Variants in DCT observed in about 807,000 individuals in gnomAD.
DCT encodes L-dopachrome tautomerase.
Under a neutral mutation model 53.0 loss-of-function variants are expected in DCT, and 47 were observed. The ratio of observed to expected loss-of-function variants is 0.89; its 90% confidence interval spans 0.70 to 1.13. The LOEUF (loss-of-function observed/expected upper bound fraction) is 1.13, where lower values mean the gene tolerates loss of function less well. DCT is among the 50% of genes most tolerant of loss of function. The probability of loss-of-function intolerance (pLI) is 0.00; values close to 1 mark genes in which losing one functional copy is unlikely to be tolerated. For synonymous variants in DCT, 244 were observed against 237.0 expected (o/e 1.03, Z -0.27); for missense variants, 669 against 637.4 (o/e 1.05, Z -0.53).
At chr13:94,493,139 A>G in the DCT span, among the ~76,000 whole-genome samples, 31 of 152,106 alleles carry the variant, frequency 2.0e-4, no homozygotes, top group Admixed American at 2.0e-3. Flanking sequence ...TCTGTGGGCT[A>G]TTTTCAGATC....
At chr13:94,446,588 G>C (rs903463378) in intron 6 of DCT, among the ~76,000 whole-genome samples, 1 of 152,224 alleles carries the variant, frequency 6.6e-6, no homozygotes, top group Non-Finnish European at 1.5e-5. Context: ...TCAGGCTGCT[G>C]TAACAAAGTA....
In DCT at chr13:94,443,617, A is replaced by G. The variant is rs1355383294; in HGVS notation, c.1200T>C (p.Asp400=). 2.5e-6 allele frequency: 4 copies of G among 1,613,796 alleles called. No homozygotes were observed. Among genetic ancestry groups the G allele is most frequent in the Non-Finnish European group, 3.4e-6 (4 of 1,179,922 alleles). The change falls in exon 7 of 8, where the codon GAT becomes GAC. Residue 400 remains aspartate (D), a synonymous_variant. Transcript: ENST00000377028. ...TTTTCATCCACTCATCAAAGATGGCATCAGTAAAGGAATGAAGAACCTGCA... is the reference window on the plus strand; with the variant it reads ...TTTTCATCCACTCATCAAAGATGGCGTCAGTAAAGGAATGAAGAACCTGCA... The part of the protein sequence containing the change: ...PIFVVLHSFT[D]AIFDEWMKRF...
the DCT span, among the ~76,000 whole-genome samples, chr13:94,517,467 C>G: frequency 2.0e-5 from 3 of 152,182 alleles, no homozygotes; most frequent in African/African-American, 7.2e-5. Flanking sequence ...AAATTTATAA[C>G]ATGTAAATAT....
In DCT at chr13:94,443,487, GTTCTT is replaced by G. The variant is rs1882491401; in HGVS notation, c.1325_1329del (p.Glu442AlafsTer21). The G allele has an allele frequency of 1.9e-6, 3 of 1,613,954 alleles. No homozygotes were observed. The highest frequency in any genetic ancestry group is 1.7e-5 in the Admixed American group (1 of 59,990). On this transcript the variant is annotated frameshift_variant, in exon 7 of 8. Coordinates refer to ENST00000377028, the MANE Select transcript of DCT (RefSeq NM_001922.5). LOFTEE classifies it high-confidence loss of function. ...CCAAGTTGGTCTGAGGTTAAAAAGA[GTTCTT>G]CATTAGTCACTGGAGGGAAGAAAGG...
the DCT span, among the ~76,000 whole-genome samples, chr13:94,495,441 C>T: frequency 6.6e-6 from 1 of 152,248 alleles, no homozygotes; most frequent in East Asian, 1.9e-4. Context: ...TCCCAAATTG[C>T]CCTCCAGAAA....
chr13:94,441,980 A>G (rs1040599996), intron 7 of DCT, among the ~76,000 whole-genome samples: 3 of 152,112 alleles, frequency 2.0e-5, no homozygotes, highest in African/African-American at 7.2e-5. Flanking sequence ...CAAGGATTCC[A>G]ATTTCTCTAC....
rs1285530178 is a variant in DCT at position 94,460,167 on chromosome 13, A to G, written c.1103T>C (p.Leu368Pro). Residue 368 changes from leucine to proline, a missense_variant, in exon 6 of 8, where the codon CTT becomes CCT. By Grantham distance (98) the Leu-to-Pro change is moderately conservative. Transcript: ENST00000377028. The part of the protein sequence containing the change: ...DGTLDSQVMS[L>P]HNLVHSFLNG... ...CAGGAAGGAATGAACCAAATTATGA[A>G]GGCTCATCACTTGAGAATCCAGAGT... is the stretch of plus-strand genomic sequence containing the variant. The G allele has an allele frequency of 2.5e-6, 4 of 1,613,748 alleles. No individual in the cohort carries two copies. Among genetic ancestry groups the G allele is most frequent in the Non-Finnish European group, 3.4e-6 (4 of 1,179,734 alleles).
At chr13:94,485,606 G>A in the DCT span, among the ~76,000 whole-genome samples, 1 of 152,160 alleles carries the variant, frequency 6.6e-6, no homozygotes, top group African/African-American at 2.4e-5. Context: ...ATCATCTATA[G>A]TATCCTCCCC....
chr13:94,537,826 T>C, the DCT span, among the ~76,000 whole-genome samples: 1 of 152,184 alleles, frequency 6.6e-6, no homozygotes, highest in Non-Finnish European at 1.5e-5. Flanking sequence ...AGAACGTCAG[T>C]GTAGGCTCTC....
chr13:94,478,163 C>A (rs1003830581), intron 1 of DCT, among the ~76,000 whole-genome samples: 21 of 137,020 alleles, frequency 1.5e-4, no homozygotes, highest in East Asian at 5.2e-4. Context: ...GCCCGCCCCC[C>A]CCACCCCCAG....
the DCT span, among the ~76,000 whole-genome samples, chr13:94,499,711 C>A: frequency 6.6e-6 from 1 of 152,078 alleles, no homozygotes; most frequent in African/African-American, 2.4e-5. Context: ...ATTTGACTCC[C>A]AGAGCTAGCC....
intron 6 of DCT, among the ~76,000 whole-genome samples, chr13:94,446,808 T>G (rs1317417212): frequency 6.6e-6 from 1 of 152,146 alleles, no homozygotes; most frequent in Non-Finnish European, 1.5e-5. Context: ...ATCTCTATCT[T>G]CATCCTCATG....
chr13:94,445,160 A>T (rs1263963679), intron 6 of DCT, among the ~76,000 whole-genome samples: 1 of 152,218 alleles, frequency 6.6e-6, no homozygotes, highest in African/African-American at 2.4e-5. Context: ...AGGCCACACA[A>T]TGTTTGTTTC....
At chr13:94,507,206 T>C in the DCT span, among the ~76,000 whole-genome samples, 1 of 152,204 alleles carries the variant, frequency 6.6e-6, no homozygotes, top group Non-Finnish European at 1.5e-5. Flanking sequence ...GTATCAATGC[T>C]AATTTCCTAC....
At chr13:94,497,475 T>C in the DCT span, among the ~76,000 whole-genome samples, 1 of 152,198 alleles carries the variant, frequency 6.6e-6, no homozygotes, top group East Asian at 1.9e-4. Flanking sequence ...AAAACTTAAC[T>C]ACTAATAACC....
At chr13:94,445,471 A>G (rs879610040) in intron 6 of DCT, among the ~76,000 whole-genome samples, 1 of 152,164 alleles carries the variant, frequency 6.6e-6, no homozygotes, top group Non-Finnish European at 1.5e-5. Context: ...AGGAAGAAAA[A>G]CAGATAGCGG....
rs151190179 is a variant in DCT, at chr13:94,479,129, G to A, written c.127C>T (p.Arg43Cys). Residue 43 changes from arginine to cysteine, a missense_variant, in exon 1 of 8, where the codon CGC (arginine) becomes TGC (cysteine). Coordinates refer to ENST00000377028, the MANE Select transcript of DCT (RefSeq NM_001922.5). ...ACATTGGCCGACTCTGCACCCAGGC[G>A]TGGGCAGCACTCCTTGTTCACTAGG... ...DSLVNKECCPRLGAESANVCG... is the reference protein window; with the variant it reads ...DSLVNKECCPCLGAESANVCG... 28 of 1,614,076 alleles carry A rather than the reference G, an allele frequency of 1.7e-5. No individual in the cohort carries two copies. Among genetic ancestry groups the A allele is most frequent in the African/African-American group, 9.3e-5 (7 of 74,940 alleles).
chr13:94,479,283 C>G lies in DCT; in HGVS notation c.-28G>C, dbSNP rs1343739841. The G allele has an allele frequency of 1.3e-6, 2 of 1,524,546 alleles. No individual in the cohort carries two copies. Among genetic ancestry groups the G allele is most frequent in the Admixed American group, 4.1e-5 (2 of 49,078 alleles). 94.4% of individuals were successfully genotyped at this position (1,524,546 alleles called of 1,614,324 possible). On this transcript the variant is annotated 5_prime_UTR_variant, in exon 1 of 8. Transcript: ENST00000377028. ...CTTTATAATTGGGAGAGCTCTCTCT[C>G]TCTCTTACTTTCCTTGTCTCTGTCG...
At chr13:94,476,009 C>A (rs1433469743) in intron 1 of DCT, among the ~76,000 whole-genome samples, 2 of 152,104 alleles carry the variant, frequency 1.3e-5, no homozygotes, top group African/African-American at 4.8e-5. Context: ...GGAGATGGGG[C>A]CTCAGGGCCA....
Sources: allele counts gnomAD v4.1 joint callset (sites outside exome capture counted in the v4.1 genomes callset), GRCh38; gene constraint gnomAD v4.1.1; transcripts MANE v1.5; gene names NCBI Gene and HGNC (gene_info 2026-07-23, HGNC 2026-07-21).